Variants in INTS7 observed in about 807,000 individuals in gnomAD.
INTS7 encodes integrator complex subunit 7.
In INTS7, 46 loss-of-function variants were observed where a neutral mutation model predicts 109.2. That is an observed-to-expected ratio of 0.42 (90% CI 0.33 to 0.54). INTS7 has a LOEUF of 0.54. Among genes scored for constraint, INTS7 ranks in the 20% least tolerant of loss-of-function variants. The pLI, the probability that INTS7 is intolerant of heterozygous loss-of-function variation, is 0.07. For missense variants in INTS7, 929 were observed against 1,132.4 expected, an observed-to-expected ratio of 0.82 and a Z score of 2.58; for synonymous variants, 412 against 402.9, an observed-to-expected ratio of 1.02 and a Z score of -0.27.
At position 211,943,919 on chromosome 1, in the gene INTS7, G is replaced by A. The variant is rs192465205; in HGVS notation, c.2601+865C>T. Among the ~76,000 whole-genome samples the A allele has an allele frequency of 7.0e-4, 106 of 152,242 alleles. 1 individual carries two copies. Among genetic ancestry groups the A allele is most frequent in the African/African-American group, 2.5e-3 (102 of 41,548 alleles). On this transcript the variant is annotated intron_variant, in intron 19 of 19. Coordinates refer to ENST00000366994, the MANE Select transcript of INTS7 (RefSeq NM_015434.4). ...ACTGTGGATAAACCACCAGGGAATC[G>A]GAAATAAATGTCTAAAGCAAGGAAC...
intron 1 of INTS7, among the ~76,000 whole-genome samples, chr1:212,028,374 G>A (rs1188344368): frequency 6.6e-6 from 1 of 152,218 alleles, no homozygotes; most frequent in Non-Finnish European, 1.5e-5. Flanking sequence ...GAAGAAGGTA[G>A]AAGTGTCTGA....
intron 16 of INTS7, among the ~76,000 whole-genome samples, chr1:211,963,929 G>T (rs1663756855): frequency 6.6e-6 from 1 of 152,088 alleles, no homozygotes; most frequent in Non-Finnish European, 1.5e-5. Flanking sequence ...CTGAAAACCG[G>T]CATAACAAAA....
chr1:211,971,915 C>CAAAAAAAAAAAAAAAAAAAAAAA (rs745814699), intron 13 of INTS7, among the ~76,000 whole-genome samples: 7 of 79,816 alleles, frequency 8.8e-5, no homozygotes, highest in Non-Finnish European at 1.2e-4. Flanking sequence ...AACTCAGTCT[C>CAAAAAAAAAAAAAAAAAAAAAAA]AAAAAAAAAA....
At chr1:212,029,699 A>C (rs1057193688) in intron 1 of INTS7, among the ~76,000 whole-genome samples, 5 of 152,220 alleles carry the variant, frequency 3.3e-5, no homozygotes, top group South Asian at 2.1e-4. Context: ...TTACCAAACA[A>C]ACACAATTTA....
chr1:212,034,349 AT>A (rs1314104962), intron 1 of INTS7, among the ~76,000 whole-genome samples: 2 of 152,212 alleles, frequency 1.3e-5, no homozygotes, highest in Non-Finnish European at 2.9e-5. Flanking sequence ...AGTTTAAAAA[AT>A]AAACAGAAAA....
intron 11 of INTS7, 98 bp downstream of exon 11, chr1:211,978,174 G>T: frequency 7.2e-7 from 1 of 1,397,652 alleles, no homozygotes; most frequent in Non-Finnish European, 1.0e-6. Flanking sequence ...TGTTTGTTCT[G>T]TTTTTTAAGT....
chr1:211,987,578 T>G (rs1000410988), intron 8 of INTS7, among the ~76,000 whole-genome samples: 1 of 152,126 alleles, frequency 6.6e-6, no homozygotes, highest in African/African-American at 2.4e-5. Flanking sequence ...AAGGGCACTT[T>G]GAGTCAGAGA....
intron 7 of INTS7, among the ~76,000 whole-genome samples, chr1:212,002,667 C>T (rs1388038814): frequency 6.6e-6 from 1 of 152,222 alleles, no homozygotes; most frequent in African/African-American, 2.4e-5. Flanking sequence ...CAAATGTCAA[C>T]TTCGCAGTGA....
chr1:212,021,346 T>C (rs1666689701), intron 1 of INTS7, 134 bp from the exon 2 acceptor site: 1 of 673,098 alleles, frequency 1.5e-6, no homozygotes, highest in Non-Finnish European at 2.3e-6. Context: ...TATAATTCAT[T>C]ACCCTTTTAA....
chr1:212,021,649 A>G (rs1346241063), intron 1 of INTS7, among the ~76,000 whole-genome samples: 1 of 151,084 alleles, frequency 6.6e-6, no homozygotes, highest in African/African-American at 2.4e-5. Flanking sequence ...GTTCATGACC[A>G]GCCTGAACAA....
Position 212,006,684 on chromosome 1 carries a change from T to C in INTS7, c.834A>G (p.Leu278=), listed in dbSNP as rs745707208. The change falls in exon 7 of 20, where the codon TTA becomes TTG. Residue 278 remains leucine (L), a synonymous_variant. Coordinates refer to ENST00000366994, the MANE Select transcript of INTS7 (RefSeq NM_015434.4). ...VKRLAIQDLK[L]LANKTPHTWS... ...AAGTATGTGGTGTTTTATTAGCAAG[T>C]AATTTCAGATCTTGAATAGCAAGTC... 3 of 1,593,224 alleles carry C rather than the reference T, an allele frequency of 1.9e-6. No homozygotes were observed. In the South Asian group the frequency reaches 3.3e-5, roughly 18 times the overall value.
chr1:211,940,942 C>T lies in INTS7; in HGVS notation c.*882G>A, dbSNP rs1380983006. On this transcript the variant is annotated 3_prime_UTR_variant, in exon 20 of 20. Coordinates refer to ENST00000366994, the MANE Select transcript of INTS7 (RefSeq NM_015434.4). ...ATTTTCTATGAAATTGCTAGCTGCT[C>T]TTTGTTTCAATTAAATATGAAAATA... The T allele has an allele frequency of 6.6e-6, 1 of 150,810 alleles. No homozygotes were observed. The highest frequency in any genetic ancestry group is 1.5e-5 in the Non-Finnish European group (1 of 68,016). The allele number at this position is 150,810 out of a possible 1,614,324, so 9.3% of individuals were successfully genotyped here. A position where few individuals can be genotyped will look rare whatever the true frequency, so the allele number is the denominator to read the frequency against.
At chr1:211,979,352 A>C (rs1427336580) in intron 10 of INTS7, among the ~76,000 whole-genome samples, 1 of 152,192 alleles carries the variant, frequency 6.6e-6, no homozygotes, top group Non-Finnish European at 1.5e-5. Context: ...GATAAATGCA[A>C]GGGCTGAAGC....
intron 17 of INTS7, among the ~76,000 whole-genome samples, chr1:211,952,060 T>G (rs1663116766): frequency 6.6e-6 from 1 of 152,166 alleles, no homozygotes; most frequent in Admixed American, 6.5e-5. Context: ...TCATTGCCAG[T>G]CAGCCAACAA....
chr1:211,978,317 G>A lies in INTS7; in HGVS notation c.1425C>T (p.Tyr475=), dbSNP rs760951473. 8.9e-5 allele frequency: 143 copies of A among 1,614,052 alleles called. No homozygotes were observed. The Admixed American group carries it at 2.4e-3, about 27-fold the overall frequency. Reference sequence around the variant, plus strand: ...CTGTGGCTGATCGTCCAATCACCTTGTACAGCTCCATGAGGTCACCAAGCA... The same window carrying A: ...CTGTGGCTGATCGTCCAATCACCTTATACAGCTCCATGAGGTCACCAAGCA... ...DGMLGDLMEL[Y]KVIGRSATDK... is the part of the protein sequence containing the mutation. The change falls in exon 11 of 20, where the codon TAC becomes TAT. Residue 475 remains tyrosine, a synonymous_variant. Coordinates refer to ENST00000366994, the MANE Select transcript of INTS7 (RefSeq NM_015434.4).
At chr1:211,954,637 C>T (rs1356126607) in intron 16 of INTS7, among the ~76,000 whole-genome samples, 1 of 152,186 alleles carries the variant, frequency 6.6e-6, no homozygotes, top group Non-Finnish European at 1.5e-5. Context: ...TTCCCAGCAC[C>T]ATTTATTAAA....
In INTS7 at chr1:211,968,604, C is replaced by T. The variant is rs1664017294; in HGVS notation, c.1919G>A (p.Ser640Asn). The T allele has an allele frequency of 6.2e-7, 1 of 1,613,590 alleles. No individual in the cohort carries two copies. Among genetic ancestry groups the T allele is most frequent in the South Asian group, 1.1e-5 (1 of 91,076 alleles). The change falls in exon 14 of 20, where the codon AGC becomes AAC. Residue 640 changes from serine (S) to asparagine (N), a missense_variant. Transcript: ENST00000366994. ...TGCAGGTGGTGGGCTTGTCTTCAGG[C>T]TATTACAAGTACAGATAAGTTGAGA... ...AFSQLICTCN[S>N]LKTSPPPAIA...
At chr1:212,003,866 T>C (rs1665787988) in intron 7 of INTS7, among the ~76,000 whole-genome samples, 1 of 151,926 alleles carries the variant, frequency 6.6e-6, no homozygotes, top group African/African-American at 2.4e-5. Context: ...TGGTAAGATA[T>C]CAAAAATAAT....
intron 4 of INTS7, 79 bp downstream of exon 4, chr1:212,016,807 A>T: frequency 8.9e-7 from 1 of 1,118,050 alleles, no homozygotes; most frequent in Middle Eastern, 2.1e-4. Flanking sequence ...CAGTGTTTAT[A>T]TAAGTTGATC....
Sources: allele counts gnomAD v4.1 joint callset (sites outside exome capture counted in the v4.1 genomes callset), GRCh38; gene constraint gnomAD v4.1.1; transcripts MANE v1.5; gene names NCBI Gene and HGNC (gene_info 2026-07-23, HGNC 2026-07-21).